The following TDP1 variants were observed in gnomAD, a reference collection of about 807,000 sequenced individuals.
TDP1 encodes the protein tyr-DNA phosphodiesterase 1.
In TDP1, 64 loss-of-function variants were observed where a neutral mutation model predicts 81.5. The ratio of observed to expected loss-of-function variants is 0.79; its 90% CI spans 0.64 to 0.97. The LOEUF (loss-of-function observed/expected upper bound fraction) is 0.97, where lower values mean the gene tolerates loss of function less well. Among genes scored for constraint, TDP1 ranks in the 50% least tolerant of loss-of-function variants. The probability of loss-of-function intolerance (pLI) is 0.00; values close to 1 mark genes in which losing one functional copy is unlikely to be tolerated. For missense variants in TDP1, 723 were observed against 743.8 expected (o/e 0.97, Z 0.33); for synonymous variants, 256 against 264.3 (o/e 0.97, Z 0.30).
chr14:90,003,635 G>A (rs780731883), intron 14 of TDP1, among the ~76,000 whole-genome samples: 1 of 152,202 alleles, frequency 6.6e-6, no homozygotes, highest in Non-Finnish European at 1.5e-5. Flanking sequence ...GAACAGTTAC[G>A]AAAGTTGTGT....
intron 14 of TDP1, among the ~76,000 whole-genome samples, chr14:90,001,352 C>T (rs566920204): frequency 2.0e-5 from 3 of 152,208 alleles, no homozygotes; most frequent in East Asian, 1.9e-4. Flanking sequence ...TCCTGGGTCA[C>T]GTTTTAGTAT....
intron 14 of TDP1, among the ~76,000 whole-genome samples, chr14:89,996,097 A>C (rs1401984044): frequency 1.3e-5 from 2 of 152,192 alleles, no homozygotes; most frequent in African/African-American, 4.8e-5. Context: ...TCAGAAACTT[A>C]TCCTCTGGAC....
chr14:90,039,988 C>A (rs976633329), intron 16 of TDP1, among the ~76,000 whole-genome samples: 4 of 152,178 alleles, frequency 2.6e-5, no homozygotes, highest in Admixed American at 2.6e-4. Context: ...GGTACTACCT[C>A]CCCGTGGAGA....
At chr14:90,005,341 A>G (rs1349333811) in intron 14 of TDP1, among the ~76,000 whole-genome samples, 1 of 152,074 alleles carries the variant, frequency 6.6e-6, no homozygotes, top group Non-Finnish European at 1.5e-5. Context: ...CAAGTAATTC[A>G]CCCAGAGATA....
At chr14:89,980,168 A>C (rs945303399) in intron 7 of TDP1, 1 of 985,368 alleles carries the variant, frequency 1.0e-6, no homozygotes, top group African/African-American at 1.7e-5. Context: ...GCCATGATGC[A>C]GCAAGAGGTT....
chr14:89,975,705 G>A (rs1018325759), intron 6 of TDP1, 76 bp from the exon 7 acceptor site: 1 of 1,308,308 alleles, frequency 7.6e-7, no homozygotes, highest in South Asian at 1.2e-5. Context: ...TGACCTGATT[G>A]CTTTCTAATG....
intron 14 of TDP1, among the ~76,000 whole-genome samples, chr14:90,000,762 A>G (rs1897122922): frequency 6.6e-6 from 1 of 152,190 alleles, no homozygotes; most frequent in Non-Finnish European, 1.5e-5. Flanking sequence ...TACTGTTTCC[A>G]AAATTGGGGT....
At chr14:89,973,629 A>G (rs539198292) in intron 6 of TDP1, among the ~76,000 whole-genome samples, 30 of 152,134 alleles carry the variant, frequency 2.0e-4, no homozygotes, top group African/African-American at 7.2e-4. Context: ...ACCCTCTCCC[A>G]TTTTGCAAAT....
At chr14:90,014,801 A>C (rs1299858512) in intron 14 of TDP1, among the ~76,000 whole-genome samples, 1 of 152,242 alleles carries the variant, frequency 6.6e-6, no homozygotes, top group East Asian at 1.9e-4. Flanking sequence ...ATTGGTGTTC[A>C]AGCAGGGATT....
intron 7 of TDP1, 65 bp from the exon 8 acceptor site, chr14:89,980,475 T>C: frequency 6.7e-7 from 1 of 1,502,414 alleles, no homozygotes; most frequent in South Asian, 1.1e-5. Context: ...TACATTTGCA[T>C]TGGAAAGGTA....
chr14:89,968,235 T>C (rs1405249235), intron 5 of TDP1, among the ~76,000 whole-genome samples: 2 of 149,220 alleles, frequency 1.3e-5, no homozygotes, highest in African/African-American at 2.5e-5. Context: ...AAAATAACAA[T>C]GGCTTAAATA....
At chr14:90,036,306 A>C (rs1165292417) in intron 16 of TDP1, among the ~76,000 whole-genome samples, 1 of 152,234 alleles carries the variant, frequency 6.6e-6, no homozygotes, top group Non-Finnish European at 1.5e-5. Context: ...TATAGCCAAC[A>C]TTCCTGGGAA....
At chr14:89,972,590 A>C (rs150509821) in intron 6 of TDP1, among the ~76,000 whole-genome samples, 121 of 152,362 alleles carry the variant, frequency 7.9e-4, no homozygotes, top group Admixed American at 1.8e-3. Flanking sequence ...ATTAGGATCC[A>C]TTTCTTTAGA....
chr14:89,963,045 AAAGTT>A, intron 2 of TDP1, 58 bp from the exon 3 acceptor site: 1 of 1,612,872 alleles, frequency 6.2e-7, no homozygotes, highest in Non-Finnish European at 8.5e-7. Flanking sequence ...TGAGAGCAAT[AAAGTT>A]ATTTTGCCAA....
intron 15 of TDP1, among the ~76,000 whole-genome samples, chr14:90,031,279 C>T (rs1036151119): frequency 7.6e-6 from 1 of 131,336 alleles, no homozygotes; most frequent in African/African-American, 2.8e-5. Flanking sequence ...CCACAACAGT[C>T]CCCAGAGTGT....
chr14:90,008,118 ACTCTAAAG>A (rs1343928307), intron 14 of TDP1, among the ~76,000 whole-genome samples: 1 of 151,948 alleles, frequency 6.6e-6, no homozygotes. Context: ...GTATTTCTTC[ACTCTAAAG>A]AACTGATTTT....
At chr14:89,981,475 T>C (rs1408738983) in intron 8 of TDP1, 6 of 454,768 alleles carry the variant, frequency 1.3e-5, no homozygotes, top group Non-Finnish European at 2.7e-5. Context: ...ATTTTGTACA[T>C]CTCTGCCTGT....
In TDP1 at chr14:89,963,581, A is replaced by T. The variant is rs1388944804; in HGVS notation, c.467A>T (p.Asp156Val). 1 of 1,613,998 alleles carries T rather than the reference A, an allele frequency of 6.2e-7. No individual in the cohort carries two copies. Among genetic ancestry groups the T allele is most frequent in the African/African-American group, 1.3e-5 (1 of 75,030 alleles). ...TCAGGGGAGGGCCAGGACATTTGGGACATGCTGGATAAAGGGAACCCCTTC... is the reference window on the plus strand; with the variant it reads ...TCAGGGGAGGGCCAGGACATTTGGGTCATGCTGGATAAAGGGAACCCCTTC... ...ETSGEGQDIWDMLDKGNPFQF... is the reference protein window; with the variant it reads ...ETSGEGQDIWVMLDKGNPFQF... The change falls in exon 3 of 17, where the codon GAC becomes GTC. Residue 156 changes from aspartate to valine, a missense_variant. Physicochemically the swap from Asp to Val is radical, Grantham distance 152. Transcript: ENST00000335725.
intron 16 of TDP1, among the ~76,000 whole-genome samples, chr14:90,036,646 A>G (rs551481053): frequency 6.6e-6 from 1 of 152,322 alleles, no homozygotes; most frequent in African/African-American, 2.4e-5. Context: ...ATCTATATTG[A>G]GAGCCTATTG....
Sources: allele counts gnomAD v4.1 joint callset (sites outside exome capture counted in the v4.1 genomes callset), GRCh38; gene constraint gnomAD v4.1.1; transcripts MANE v1.5; gene names NCBI Gene and HGNC (gene_info 2026-07-23, HGNC 2026-07-21).